Variants in RBFOX1 observed in about 807,000 individuals in gnomAD.
RBFOX1 encodes RNA binding protein fox-1 homolog 1.
A neutral mutation model predicts 57.7 loss-of-function variants in RBFOX1; 8 were observed. That is an observed-to-expected ratio of 0.14 (90% CI 0.08 to 0.25). The LOEUF (loss-of-function observed/expected upper bound fraction) is 0.25, where lower values mean the gene tolerates loss of function less well. RBFOX1 is among the 10% of genes least tolerant of loss of function. The pLI is 1.00. For missense variants in RBFOX1, 611 were observed against 548.5 expected (o/e 1.11, Z -1.14); for synonymous variants, 326 against 222.4 (o/e 1.47, Z -4.15).
intron 3 of RBFOX1, among the ~76,000 whole-genome samples, chr16:6,857,484 C>G (rs2058120581): frequency 6.6e-6 from 1 of 152,152 alleles, no homozygotes; most frequent in Admixed American, 6.5e-5. Flanking sequence ...AAGGGTCTGA[C>G]TCATTGGGCA....
At chr16:5,382,673 G>A (rs929189491) in intron 1 of RBFOX1, among the ~76,000 whole-genome samples, 4 of 152,168 alleles carry the variant, frequency 2.6e-5, no homozygotes, top group African/African-American at 2.4e-5. Flanking sequence ...CAATGAAATT[G>A]TGCTGACCTC....
At chr16:6,187,890 T>C (rs1192139731) in intron 1 of RBFOX1, among the ~76,000 whole-genome samples, 4 of 152,226 alleles carry the variant, frequency 2.6e-5, no homozygotes, top group Admixed American at 6.5e-5. Flanking sequence ...AACCTTAGAA[T>C]GTTACCAGTG....
chr16:5,936,608 G>T (rs982683394), intron 4 of RBFOX1, among the ~76,000 whole-genome samples: 2 of 152,210 alleles, frequency 1.3e-5, no homozygotes, highest in Non-Finnish European at 2.9e-5. Flanking sequence ...GGAGACACAG[G>T]TCAGATTGAT....
At chr16:7,031,265 A>G (rs2153691917) in intron 3 of RBFOX1, among the ~76,000 whole-genome samples, 1 of 152,274 alleles carries the variant, frequency 6.6e-6, no homozygotes, top group Admixed American at 6.5e-5. Flanking sequence ...CAACTTTGGC[A>G]GGTTGTTTAA....
In RBFOX1 at chr16:7,156,186, A is replaced by T. The variant is rs140010528; in HGVS notation, c.27+104088A>T. Among the ~76,000 whole-genome samples the T allele has an allele frequency of 7.3e-4, 111 of 151,600 alleles. No individual in the cohort carries two copies. In the East Asian group the frequency reaches 0.02, roughly 27 times the overall value. On this transcript the variant is annotated intron_variant, in intron 4 of 15. Transcript: ENST00000550418. ...TGCCTGGCCGATCCCTCAACTCTTGATTCCTTTCTCAAGACTTGCTACTCT... is the reference window on the plus strand; with the variant it reads ...TGCCTGGCCGATCCCTCAACTCTTGTTTCCTTTCTCAAGACTTGCTACTCT...
At chr16:5,920,178 C>T (rs549799230) in intron 4 of RBFOX1, among the ~76,000 whole-genome samples, 1 of 152,340 alleles carries the variant, frequency 6.6e-6, no homozygotes, top group African/African-American at 2.4e-5. Context: ...TTGTGATCCA[C>T]CTGCCTTGGC....
intron 5 of RBFOX1, among the ~76,000 whole-genome samples, chr16:7,552,338 G>A (rs1396780884): frequency 6.6e-6 from 1 of 152,118 alleles, no homozygotes; most frequent in African/African-American, 2.4e-5. Context: ...CTTTTATAGT[G>A]AGAGGCGACA....
chr16:6,634,759 C>CAAAGAT (rs1449758010), intron 2 of RBFOX1, among the ~76,000 whole-genome samples: 3 of 34,750 alleles, frequency 8.6e-5, no homozygotes, highest in Non-Finnish European at 2.7e-4. Context: ...CAAAGATATA[C>CAAAGAT]ATATATTTGT....
downstream of RBFOX1, among the ~76,000 whole-genome samples, chr16:5,604,004 A>G (rs528198094): frequency 6.6e-5 from 10 of 152,178 alleles, no homozygotes; most frequent in Non-Finnish European, 1.5e-4. Context: ...GGCAGACATT[A>G]GTAATCAATG....
intron 3 of RBFOX1, among the ~76,000 whole-genome samples, chr16:5,622,491 G>A (rs552257020): frequency 2.6e-5 from 4 of 152,278 alleles, no homozygotes; most frequent in East Asian, 3.9e-4. Context: ...TTAGGTCATC[G>A]GAGATCTTCG....
chr16:7,556,266 C>G (rs1360974599), intron 5 of RBFOX1, among the ~76,000 whole-genome samples: 1 of 152,182 alleles, frequency 6.6e-6, no homozygotes. Flanking sequence ...ACTTGCATCT[C>G]CCAACACTAC....
At chr16:5,906,666 G>C (rs1319788643) in intron 4 of RBFOX1, among the ~76,000 whole-genome samples, 1 of 151,478 alleles carries the variant, frequency 6.6e-6, no homozygotes, top group African/African-American at 2.4e-5. Flanking sequence ...CAGAGGGTTG[G>C]CTGCTGAGTG....
Position 7,023,719 on chromosome 16 carries a change from A to C in RBFOX1, c.-15-28338A>C, listed in dbSNP as rs371466189. The stretch of plus-strand genomic sequence containing the variant: ...CAGAGATGGGTGTTACTTACTCTAC[A>C]GTACACAGAAACAGGTATCACTTAT... On this transcript the variant is annotated intron_variant, in intron 3 of 15. Coordinates refer to ENST00000550418, the MANE Select transcript of RBFOX1 (RefSeq NM_018723.4). Among the ~76,000 whole-genome samples the C allele has an allele frequency of 1.8e-3, 271 of 152,166 alleles. 1 individual carries two copies. The highest frequency in any genetic ancestry group is 6.1e-3 in the African/African-American group (252 of 41,520).
chr16:6,371,678 C>G (rs576422179), intron 2 of RBFOX1, among the ~76,000 whole-genome samples: 5 of 152,060 alleles, frequency 3.3e-5, no homozygotes, highest in African/African-American at 4.8e-5. Flanking sequence ...TGTTTAGAAA[C>G]AAAGTTCTGG....
chr16:6,358,666 C>G (rs1464864433), intron 2 of RBFOX1, among the ~76,000 whole-genome samples: 1 of 152,164 alleles, frequency 6.6e-6, no homozygotes, highest in Non-Finnish European at 1.5e-5. Flanking sequence ...TTCACTTACC[C>G]TAATGTCAGA....
intron 3 of RBFOX1, among the ~76,000 whole-genome samples, chr16:6,895,371 C>G (rs531008385): frequency 1.0e-4 from 15 of 147,344 alleles, no homozygotes; most frequent in African/African-American, 3.0e-4. Flanking sequence ...GGAGAACTAA[C>G]TGGTTTACCC....
intron 3 of RBFOX1, among the ~76,000 whole-genome samples, chr16:6,964,861 G>C (rs1041074646): frequency 6.6e-6 from 1 of 152,120 alleles, no homozygotes; most frequent in Non-Finnish European, 1.5e-5. Flanking sequence ...GCTCCTTGCT[G>C]TGTGACCCTG....
At chr16:6,402,874 T>C (rs1192693557) in intron 2 of RBFOX1, among the ~76,000 whole-genome samples, 1 of 152,256 alleles carries the variant, frequency 6.6e-6, no homozygotes, top group African/African-American at 2.4e-5. Context: ...AACCGAGATG[T>C]AATTGTGATT....
intron 2 of RBFOX1, among the ~76,000 whole-genome samples, chr16:5,559,687 A>G (rs1386063): frequency 0.42 from 63,299 of 152,082 alleles, 13,473 homozygotes; most frequent in Admixed American, 0.49. Context: ...CTTGGAATGT[A>G]AATAAACTTC....
Sources: allele counts gnomAD v4.1 joint callset (sites outside exome capture counted in the v4.1 genomes callset), GRCh38; gene constraint gnomAD v4.1.1; transcripts MANE v1.5; gene names NCBI Gene and HGNC (gene_info 2026-07-23, HGNC 2026-07-21).